Variants in FLVCR1 observed in about 807,000 individuals in gnomAD.
FLVCR1 encodes the protein FLVCR choline and heme transporter 1, also known as choline/ethanolamine transporter FLVCR1.
In FLVCR1, 34 loss-of-function variants were observed where a neutral mutation model predicts 53.6. That is an observed-to-expected ratio of 0.63 (90% CI 0.48 to 0.84). The LOEUF (loss-of-function observed/expected upper bound fraction) is 0.84, where lower values mean the gene tolerates loss of function less well. Ranked by LOEUF, FLVCR1 falls within the 40% of genes least tolerant of loss-of-function variation. The probability of loss-of-function intolerance (pLI) is 0.00; values close to 1 mark genes in which losing one functional copy is unlikely to be tolerated. For synonymous variants in FLVCR1, 300 were observed against 286.3 expected (o/e 1.05, Z -0.48); for missense variants, 677 against 696.7 (o/e 0.97, Z 0.32).
intron 1 of FLVCR1, 58 bp from the exon 2 acceptor site, chr1:212,863,667 C>T: frequency 6.7e-7 from 1 of 1,487,364 alleles, no homozygotes; most frequent in Non-Finnish European, 9.4e-7. Flanking sequence ...TGTTAATTGC[C>T]AGCATTTACT....
At chr1:212,882,854 GCA>G (rs1243701157) in intron 3 of FLVCR1, among the ~76,000 whole-genome samples, 1 of 147,384 alleles carries the variant, frequency 6.8e-6, no homozygotes, top group Non-Finnish European at 1.5e-5. Flanking sequence ...AGCTGAGATT[GCA>G]CCACTACTCT....
chr1:212,868,693 A>G (rs1285675503), intron 2 of FLVCR1, among the ~76,000 whole-genome samples: 1 of 152,110 alleles, frequency 6.6e-6, no homozygotes, highest in Non-Finnish European at 1.5e-5. Context: ...ATAGGCGTGA[A>G]CCACCATGCC....
At chr1:212,875,406 G>T (rs1027548727) in intron 3 of FLVCR1, among the ~76,000 whole-genome samples, 28 of 152,208 alleles carry the variant, frequency 1.8e-4, no homozygotes, top group Admixed American at 1.8e-3. Context: ...GAAGGGAGTG[G>T]TTGAGCTGGG....
chr1:212,878,090 C>A (rs1019647750), intron 3 of FLVCR1, among the ~76,000 whole-genome samples: 1 of 152,046 alleles, frequency 6.6e-6, no homozygotes, highest in Non-Finnish European at 1.5e-5. Context: ...TTTGAACTAC[C>A]AGGGCAGAGT....
At chr1:212,886,441 G>C (rs907207161) in intron 5 of FLVCR1, among the ~76,000 whole-genome samples, 1 of 152,058 alleles carries the variant, frequency 6.6e-6, no homozygotes, top group Non-Finnish European at 1.5e-5. Flanking sequence ...CTTTATTTTG[G>C]TAAGAACTTT....
In FLVCR1 at chr1:212,895,263, G is replaced by A. The variant is rs779051064; in HGVS notation, c.1641G>A (p.Leu547=). Reference sequence around the variant, plus strand: ...ACCAAGAACCAAAAACGGTTATGTTGTCCAAGCAGTCAGAATCAGCAATTT... The same window carrying A: ...ACCAAGAACCAAAAACGGTTATGTTATCCAAGCAGTCAGAATCAGCAATTT... ...PTDQEPKTVM[L]SKQSESAI is the part of the protein sequence containing the mutation. Residue 547 remains leucine, a synonymous_variant, in exon 10 of 10, where the codon TTG becomes TTA. Transcript: ENST00000366971. 6.2e-7 allele frequency: 1 copy of A among 1,613,446 alleles called. No homozygotes were observed.
At position 212,885,808 on chromosome 1, in the gene FLVCR1, C is replaced by T. The variant is rs1278683907; in HGVS notation, c.1196+412C>T. 5.3e-5 allele frequency among the ~76,000 whole-genome samples: 8 copies of T among 152,164 alleles called. 1 individual carries two copies. In the East Asian group the frequency reaches 1.5e-3, roughly 29 times the overall value. ...CCTTGTGATCCACCCGCCTCGACCT[C>T]CCAAAGTGCTGGGATTACAGGCGTG... is the stretch of plus-strand genomic sequence containing the variant. On this transcript the variant is annotated intron_variant, in intron 5 of 9. Coordinates refer to ENST00000366971, the MANE Select transcript of FLVCR1 (RefSeq NM_014053.4).
intron 3 of FLVCR1, among the ~76,000 whole-genome samples, chr1:212,874,913 A>G (rs1034918715): frequency 4.7e-4 from 58 of 124,628 alleles, no homozygotes; most frequent in South Asian, 6.3e-4. Flanking sequence ...CCTGTCACAG[A>G]CGTACACACA....
intron 3 of FLVCR1, among the ~76,000 whole-genome samples, chr1:212,881,162 T>C (rs993182644): frequency 2.6e-5 from 4 of 152,092 alleles, no homozygotes; most frequent in African/African-American, 9.7e-5. Context: ...ATGGGAAAAA[T>C]AAACTAAAAT....
intron 8 of FLVCR1, among the ~76,000 whole-genome samples, chr1:212,891,564 A>G (rs1446975714): frequency 6.6e-6 from 1 of 152,266 alleles, no homozygotes; most frequent in South Asian, 2.1e-4. Flanking sequence ...CTAGAAAATT[A>G]AGAAGTGAAA....
At chr1:212,874,468 A>G (rs890029267) in intron 3 of FLVCR1, among the ~76,000 whole-genome samples, 2 of 149,582 alleles carry the variant, frequency 1.3e-5, no homozygotes, top group Non-Finnish European at 3.0e-5. Flanking sequence ...ATAGTGGCTT[A>G]TTGTTAAATA....
chr1:212,879,543 A>G (rs1489260639), intron 3 of FLVCR1, among the ~76,000 whole-genome samples: 1 of 152,134 alleles, frequency 6.6e-6, no homozygotes, highest in East Asian at 1.9e-4. Flanking sequence ...TTGGAAAAAA[A>G]TTATCGGTAA....
At chr1:212,888,697 T>G in intron 7 of FLVCR1, 103 bp downstream of exon 7, 1 of 955,600 alleles carries the variant, frequency 1.0e-6, no homozygotes, top group Non-Finnish European at 1.7e-6. Flanking sequence ...GTTGTTTTGT[T>G]TTTTGGAGAC....
At chr1:212,879,005 A>C (rs1664848513) in intron 3 of FLVCR1, among the ~76,000 whole-genome samples, 1 of 151,988 alleles carries the variant, frequency 6.6e-6, no homozygotes, top group South Asian at 2.1e-4. Context: ...AAAAAGACCT[A>C]AATAATTTAT....
chr1:212,858,441 G>C lies in FLVCR1; in HGVS notation c.-12G>C. On this transcript the variant is annotated 5_prime_UTR_variant, in exon 1 of 10. Transcript: ENST00000366971. ...GGGCGGGGGAGCGAGGTGGCGCCGGGGAGCCTGGGATATGGCGCGGCCAGA... is the reference window on the plus strand; with the variant it reads ...GGGCGGGGGAGCGAGGTGGCGCCGGCGAGCCTGGGATATGGCGCGGCCAGA... 2.1e-6 allele frequency: 3 copies of C among 1,432,604 alleles called. No individual in the cohort carries two copies. The African/African-American group carries it at 4.3e-5, about 21-fold the overall frequency. The allele number at this position is 1,432,604 out of a possible 1,614,324, so 88.7% of individuals were successfully genotyped here. A position where few individuals can be genotyped will look rare whatever the true frequency, so the allele number is the denominator to read the frequency against.
At chr1:212,862,533 T>C (rs574325298) in intron 1 of FLVCR1, among the ~76,000 whole-genome samples, 20 of 152,370 alleles carry the variant, frequency 1.3e-4, no homozygotes, top group Admixed American at 3.9e-4. Flanking sequence ...CTGAATAATA[T>C]TTCATTGTAT....
chr1:212,877,131 C>CT (rs55822947), intron 3 of FLVCR1, among the ~76,000 whole-genome samples: 37 of 94,584 alleles, frequency 3.9e-4, no homozygotes, highest in African/African-American at 8.4e-4. Flanking sequence ...ACATAAATGT[C>CT]TTTTTTTTTT....
chr1:212,866,653 A>C (rs1045880202), intron 2 of FLVCR1, among the ~76,000 whole-genome samples: 25 of 152,152 alleles, frequency 1.6e-4, no homozygotes, highest in African/African-American at 5.8e-4. Context: ...AATAGGTATG[A>C]CTATTGGCAT....
chr1:212,858,945 A>T lies in FLVCR1; in HGVS notation c.493A>T (p.Thr165Ser). ...LAYVPLIFPATWLLDTRGLRL... is the reference protein window; with the variant it reads ...LAYVPLIFPASWLLDTRGLRL... The stretch of plus-strand genomic sequence containing the variant: ...CTACGTGCCCCTCATCTTCCCGGCC[A>T]CCTGGCTGCTGGACACCAGAGGCCT... Residue 165 changes from threonine to serine, a missense_variant, in exon 1 of 10, where the codon ACC (threonine) becomes TCC (serine). Thr to Ser is a moderately conservative substitution (Grantham distance 58). Transcript: ENST00000366971. 1 of 1,614,148 alleles carries T rather than the reference A, an allele frequency of 6.2e-7. No homozygotes were observed. The highest frequency in any genetic ancestry group is 8.5e-7 in the Non-Finnish European group (1 of 1,180,026).
Sources: gnomAD v4.1 joint callset for allele counts (sites outside exome capture counted in the v4.1 genomes callset) on GRCh38, gnomAD v4.1.1 for gene constraint, MANE v1.5 for transcripts, NCBI Gene and HGNC (gene_info 2026-07-23, HGNC 2026-07-21) for gene names.